Variants in PCDHA6 observed in about 807,000 individuals in gnomAD.
PCDHA6 encodes the protein protocadherin alpha-6.
Under a neutral mutation model 60.3 loss-of-function variants are expected in PCDHA6, and 55 were observed. The observed-to-expected ratio is 0.91, with a 90% CI of 0.73 to 1.14. PCDHA6 has a LOEUF of 1.14. PCDHA6 is among the 50% of genes most tolerant of loss of function. PCDHA6 has a pLI of 0.00. For missense variants in PCDHA6, 1,327 were observed against 1,256.5 expected (o/e 1.06, Z -0.85); for synonymous variants, 652 against 557.9 (o/e 1.17, Z -2.38).
intron 1 of PCDHA6, chr5:140,883,164 A>G (rs559249411): frequency 1.2e-6 from 2 of 1,614,060 alleles, no homozygotes; most frequent in African/African-American, 1.3e-5. Context: ...AATCCGAACA[A>G]TGGAGAAATT....
At chr5:140,856,761 C>A (rs377564040) in intron 1 of PCDHA6, 2 of 1,596,482 alleles carry the variant, frequency 1.3e-6, no homozygotes, top group African/African-American at 2.7e-5. Context: ...AATGATAACG[C>A]CCCTATCTTT....
intron 1 of PCDHA6, chr5:140,928,716 C>T (rs555492959): frequency 3.1e-6 from 5 of 1,614,178 alleles, no homozygotes; most frequent in East Asian, 4.5e-5. Flanking sequence ...ACTCTAGTCT[C>T]TTTAGAATTT....
chr5:140,968,588 A>G (rs1554230894), intron 1 of PCDHA6: 1 of 1,614,180 alleles, frequency 6.2e-7, no homozygotes, highest in South Asian at 1.1e-5. Flanking sequence ...CACCAAAGTC[A>G]TAGCTATGGA....
chr5:140,877,331 T>A (rs2057038565), intron 1 of PCDHA6: 15 of 1,613,962 alleles, frequency 9.3e-6, no homozygotes, highest in Non-Finnish European at 1.3e-5. Context: ...GGCGCGCACA[T>A]CCCGTTCCAC....
intron 1 of PCDHA6, chr5:140,967,256 G>T: frequency 6.2e-7 from 1 of 1,613,524 alleles, no homozygotes; most frequent in Non-Finnish European, 8.5e-7. Flanking sequence ...GGTGGCGCCT[G>T]GAGCGCGCTT....
intron 1 of PCDHA6, chr5:140,850,256 C>G (rs781879208): frequency 1.9e-6 from 3 of 1,594,146 alleles, no homozygotes; most frequent in Non-Finnish European, 1.7e-6. Context: ...CGGTGGGCGC[C>G]GGCGTAGTGG....
chr5:140,969,998 G>A (rs1345371434), intron 1 of PCDHA6, among the ~76,000 whole-genome samples: 2 of 152,220 alleles, frequency 1.3e-5, no homozygotes, highest in Non-Finnish European at 2.9e-5. Flanking sequence ...GGCTGTCAGA[G>A]GGAGTGGATG....
intron 3 of PCDHA6, among the ~76,000 whole-genome samples, chr5:140,989,910 G>A (rs941838001): frequency 3.3e-5 from 5 of 152,062 alleles, no homozygotes; most frequent in African/African-American, 1.2e-4. Flanking sequence ...ATCAGAAAAA[G>A]AGGGAGAGCA....
chr5:140,829,954 G>C lies in PCDHA6; in HGVS notation c.1863G>C (p.Pro621=). The C allele has an allele frequency of 6.2e-7, 1 of 1,613,992 alleles. No individual in the cohort carries two copies. Among genetic ancestry groups the C allele is most frequent in the South Asian group, 1.1e-5 (1 of 91,072 alleles). Residue 621 remains proline (P), a synonymous_variant, in exon 1 of 4, where the codon CCG becomes CCC. Transcript: ENST00000529310. Reference sequence around the variant, plus strand: ...CCCCGGCAAGCAGCGCTCGCTTCCCGTTTCGCGTGGGGCTGTACACGGGCG... The same window carrying C: ...CCCCGGCAAGCAGCGCTCGCTTCCCCTTTCGCGTGGGGCTGTACACGGGCG... The part of the protein sequence containing the change: ...LQPPASSARF[P]FRVGLYTGEI...
At chr5:140,834,455 G>A (rs1554134225) in intron 1 of PCDHA6, 5 of 1,614,018 alleles carry the variant, frequency 3.1e-6, no homozygotes, top group Non-Finnish European at 4.2e-6. Context: ...TAGCAGCTTG[G>A]GAGGCAGGGA....
chr5:141,006,290 C>G (rs1465211339), intron 3 of PCDHA6, among the ~76,000 whole-genome samples: 5 of 152,050 alleles, frequency 3.3e-5, no homozygotes, highest in Non-Finnish European at 5.9e-5. Flanking sequence ...CAGCTCACTG[C>G]AAGCTCCACT....
At chr5:140,861,503 C>A in intron 1 of PCDHA6, 1 of 478,536 alleles carries the variant, frequency 2.1e-6, no homozygotes, top group Non-Finnish European at 4.3e-6. Context: ...TGATAGACCT[C>A]GAGGAGCTGT....
chr5:140,838,509 T>C (rs1297577022), intron 1 of PCDHA6, among the ~76,000 whole-genome samples: 1 of 151,988 alleles, frequency 6.6e-6, no homozygotes, highest in Non-Finnish European at 1.5e-5. Context: ...TTTTTAAAAG[T>C]ATTTGCATCT....
intron 1 of PCDHA6, among the ~76,000 whole-genome samples, chr5:140,873,578 G>A (rs1175903601): frequency 6.8e-5 from 8 of 117,146 alleles, no homozygotes; most frequent in Non-Finnish European, 1.4e-4. Flanking sequence ...GGTTGTTTAA[G>A]TATTAAGCTA....
chr5:141,004,871 C>T (rs2098186149), intron 3 of PCDHA6, among the ~76,000 whole-genome samples: 2 of 152,126 alleles, frequency 1.3e-5, no homozygotes, highest in South Asian at 4.1e-4. Context: ...TGTTTCTCAT[C>T]CCTAAAGTGC....
intron 3 of PCDHA6, among the ~76,000 whole-genome samples, chr5:140,996,776 A>G (rs1554255393): frequency 6.6e-6 from 1 of 152,206 alleles, no homozygotes; most frequent in Non-Finnish European, 1.5e-5. Flanking sequence ...TAAAATGAGT[A>G]GTGCCTCACT....
chr5:140,993,596 A>G (rs562427268), intron 3 of PCDHA6, among the ~76,000 whole-genome samples: 53 of 152,194 alleles, frequency 3.5e-4, no homozygotes, highest in Admixed American at 2.6e-4. Flanking sequence ...CTTGGCTCCA[A>G]TAGAGAATTT....
rs2150151926 is a variant in PCDHA6 at position 140,828,181 on chromosome 5, G to A, written c.90G>A (p.Gln30=). The A allele has an allele frequency of 7.4e-6, 12 of 1,614,058 alleles. No homozygotes were observed. Among genetic ancestry groups the A allele is most frequent in the Non-Finnish European group, 9.3e-6 (11 of 1,180,052 alleles). ...LLAAWKVGSG[Q]LHYSVPEEAK... The stretch of plus-strand genomic sequence containing the variant: ...CAGCCTGGAAGGTGGGGAGCGGCCA[G>A]CTCCACTACTCCGTACCCGAGGAGG... The change falls in exon 1 of 4, where the codon CAG becomes CAA. Residue 30 remains glutamine (Q), a synonymous_variant. Coordinates refer to ENST00000529310, the MANE Select transcript of PCDHA6 (RefSeq NM_018909.4).
At chr5:140,848,356 A>T in intron 1 of PCDHA6, 1 of 1,038,310 alleles carries the variant, frequency 9.6e-7, no homozygotes, top group Non-Finnish European at 1.4e-6. Flanking sequence ...CCCTTTTCCC[A>T]TGGGAAAGAG....
Sources: gnomAD v4.1 joint callset for allele counts (sites outside exome capture counted in the v4.1 genomes callset) on GRCh38, gnomAD v4.1.1 for gene constraint, MANE v1.5 for transcripts, NCBI Gene and HGNC (gene_info 2026-07-23, HGNC 2026-07-21) for gene names.